TAFA2: variants seen among roughly 807,000 people sequenced by gnomAD.
TAFA2 encodes TAFA chemokine like family member 2, also known as chemokine-like protein TAFA-2.
TAFA2 carries 7 observed loss-of-function variants against 18.8 expected under a neutral mutation model. That is an observed-to-expected ratio of 0.37 (90% CI 0.21 to 0.70). The LOEUF (loss-of-function observed/expected upper bound fraction) is 0.70. Ranked by LOEUF, TAFA2 falls within the 30% of genes least tolerant of loss-of-function variation. The probability of loss-of-function intolerance (pLI) is 0.53; values close to 1 mark genes in which losing one functional copy is unlikely to be tolerated. For missense variants in TAFA2, 122 were observed against 158.1 expected, an observed-to-expected ratio of 0.77 and a Z score of 1.23; for synonymous variants, 60 against 54.2, an observed-to-expected ratio of 1.11 and a Z score of -0.47.
At chr12:61,938,115 C>T (rs1419412104) in intron 1 of TAFA2, among the ~76,000 whole-genome samples, 2 of 151,524 alleles carry the variant, frequency 1.3e-5, no homozygotes, top group Admixed American at 6.6e-5. Flanking sequence ...CCACCTTACC[C>T]TGTATGAATG....
intron 1 of TAFA2, among the ~76,000 whole-genome samples, chr12:62,099,682 A>G (rs1869104033): frequency 6.6e-6 from 1 of 152,148 alleles, no homozygotes; most frequent in South Asian, 2.1e-4. Flanking sequence ...GAGGCAAATA[A>G]TACACCAAGA....
intron 2 of TAFA2, among the ~76,000 whole-genome samples, chr12:61,865,324 C>A (rs900569382): frequency 3.9e-5 from 6 of 152,012 alleles, no homozygotes; most frequent in Non-Finnish European, 4.4e-5. Context: ...ACATGCGCTA[C>A]AACTTACATA....
intron 1 of TAFA2, among the ~76,000 whole-genome samples, chr12:62,247,971 T>C (rs1322996408): frequency 6.6e-6 from 1 of 152,230 alleles, no homozygotes; most frequent in Non-Finnish European, 1.5e-5. Flanking sequence ...GCTCTCCTTT[T>C]GATGCAGAAT....
intron 1 of TAFA2, among the ~76,000 whole-genome samples, chr12:62,138,114 A>T (rs1340674472): frequency 1.3e-5 from 2 of 151,988 alleles, no homozygotes; most frequent in African/African-American, 2.4e-5. Context: ...TTCCCCAGTT[A>T]TGCTATTTAA....
intron 2 of TAFA2, among the ~76,000 whole-genome samples, chr12:61,756,842 A>C (rs1158806340): frequency 2.0e-5 from 3 of 152,076 alleles, no homozygotes; most frequent in Non-Finnish European, 4.4e-5. Flanking sequence ...TAATATGAAG[A>C]TCTAAGAAAG....
rs528115495 is a variant in TAFA2, at chr12:61,930,623, T to C, written c.-1-63197A>G. Among the ~76,000 whole-genome samples the C allele has an allele frequency of 3.3e-5, 5 of 152,338 alleles. No individual in the cohort carries two copies. In the East Asian group the frequency reaches 9.6e-4, roughly 29 times the overall value. ...TAATCACTCTAATCATCACGCTCTA[T>C]ACTGCTCCATTTAATAGAGCAACCA... On this transcript the variant is annotated intron_variant, in intron 1 of 4. Transcript: ENST00000416284.
chr12:61,761,386 C>A (rs185665065), intron 2 of TAFA2, among the ~76,000 whole-genome samples: 22 of 151,828 alleles, frequency 1.4e-4, no homozygotes, highest in African/African-American at 5.1e-4. Flanking sequence ...ACTTGTGAAC[C>A]AACCATAAAT....
intron 1 of TAFA2, among the ~76,000 whole-genome samples, chr12:62,032,439 T>C (rs921725703): frequency 7.2e-5 from 11 of 152,162 alleles, no homozygotes; most frequent in African/African-American, 2.7e-4. Flanking sequence ...ATCAAATATA[T>C]GTGAAATGTT....
chr12:62,048,874 A>G (rs1881977795), intron 1 of TAFA2, among the ~76,000 whole-genome samples: 1 of 152,216 alleles, frequency 6.6e-6, no homozygotes, highest in African/African-American at 2.4e-5. Flanking sequence ...TATATAGGAC[A>G]TAGATAGACC....
intron 1 of TAFA2, among the ~76,000 whole-genome samples, chr12:62,080,029 G>C (rs570865557): frequency 6.6e-6 from 1 of 152,128 alleles, no homozygotes; most frequent in Admixed American, 6.5e-5. Context: ...ATTCTCATCC[G>C]GAGCTCAAGT....
At chr12:61,984,257 T>C (rs1286321937) in intron 1 of TAFA2, among the ~76,000 whole-genome samples, 1 of 152,240 alleles carries the variant, frequency 6.6e-6, no homozygotes, top group East Asian at 1.9e-4. Context: ...ATTTAGATTG[T>C]GATAGATGCT....
intron 4 of TAFA2, among the ~76,000 whole-genome samples, chr12:61,732,348 T>C (rs1870491851): frequency 6.6e-6 from 1 of 152,110 alleles, no homozygotes; most frequent in South Asian, 2.1e-4. Context: ...CCTTGTTTAT[T>C]CGATGAATAA....
chr12:61,713,309 T>C (rs1269649437), intron 4 of TAFA2, among the ~76,000 whole-genome samples: 1 of 152,154 alleles, frequency 6.6e-6, no homozygotes, highest in Non-Finnish European at 1.5e-5. Flanking sequence ...GTCACTTTCC[T>C]TTTTCCGTCT....
chr12:61,974,706 T>C (rs1879368375), intron 1 of TAFA2, among the ~76,000 whole-genome samples: 1 of 151,822 alleles, frequency 6.6e-6, no homozygotes, highest in African/African-American at 2.4e-5. Flanking sequence ...CCACAGCACA[T>C]GTGATTATAG....
chr12:62,158,327 G>C (rs1308323408), intron 1 of TAFA2, among the ~76,000 whole-genome samples: 25 of 152,292 alleles, frequency 1.6e-4, no homozygotes, highest in Admixed American at 5.2e-4. Flanking sequence ...CAGTATCTCA[G>C]ATCATAAATG....
In TAFA2 at chr12:61,977,520, G is replaced by A. The variant is rs940931974; in HGVS notation, c.-1-110094C>T. ...CCATTGCTAAGCCCAGACAATGAAT[G>A]TGCTACTGTCAGAAAGCCCATTTGA... On this transcript the variant is annotated intron_variant, in intron 1 of 4. Coordinates refer to ENST00000416284, the MANE Select transcript of TAFA2 (RefSeq NM_178539.5). 2.6e-5 allele frequency among the ~76,000 whole-genome samples: 4 copies of A among 152,008 alleles called. No individual in the cohort carries two copies. The East Asian group carries it at 7.7e-4, about 29-fold the overall frequency.
chr12:61,998,377 C>G (rs182329537), intron 1 of TAFA2, among the ~76,000 whole-genome samples: 6 of 152,078 alleles, frequency 3.9e-5, no homozygotes, highest in Admixed American at 3.3e-4. Context: ...CTCCCCTTAC[C>G]CTCATCTTAA....
At chr12:62,019,989 T>G (rs1010947334) in intron 1 of TAFA2, among the ~76,000 whole-genome samples, 7 of 152,196 alleles carry the variant, frequency 4.6e-5, no homozygotes, top group African/African-American at 1.4e-4. Flanking sequence ...TACCTCACTA[T>G]AAATATTGAA....
At chr12:62,124,371 A>G (rs184118389) in intron 1 of TAFA2, among the ~76,000 whole-genome samples, 1 of 152,160 alleles carries the variant, frequency 6.6e-6, no homozygotes. Flanking sequence ...CATCACTGAA[A>G]TATATTAGCC....
Sources: gnomAD v4.1 joint callset for allele counts (sites outside exome capture counted in the v4.1 genomes callset) on GRCh38, gnomAD v4.1.1 for gene constraint, MANE v1.5 for transcripts, NCBI Gene and HGNC (gene_info 2026-07-23, HGNC 2026-07-21) for gene names.